The following CACNA2D3 variants were observed in gnomAD, a reference collection of about 807,000 sequenced individuals.
CACNA2D3 encodes calcium voltage-gated channel auxiliary subunit alpha2delta 3.
CACNA2D3 carries 60 observed loss-of-function variants against 160.6 expected under a neutral mutation model. The ratio of observed to expected loss-of-function variants is 0.37; its 90% CI spans 0.30 to 0.46. CACNA2D3 has a LOEUF of 0.46. Ranked by LOEUF, CACNA2D3 falls within the 20% of genes least tolerant of loss-of-function variation. The pLI, the probability that CACNA2D3 is intolerant of heterozygous loss-of-function variation, is 1.00. For missense variants in CACNA2D3, 1,205 were observed against 1,365.0 expected (o/e 0.88, Z 1.85); for synonymous variants, 558 against 492.9 (o/e 1.13, Z -1.75).
chr3:54,573,275 A>G (rs1009402244), intron 8 of CACNA2D3, among the ~76,000 whole-genome samples: 2 of 152,234 alleles, frequency 1.3e-5, no homozygotes, highest in Non-Finnish European at 2.9e-5. Context: ...AATGGATCAG[A>G]TATGTTAGTG....
intron 11 of CACNA2D3, among the ~76,000 whole-genome samples, chr3:54,664,187 G>T (rs1700023613): frequency 6.6e-6 from 1 of 152,148 alleles, no homozygotes; most frequent in African/African-American, 2.4e-5. Flanking sequence ...GGCTTTTTAG[G>T]GCCAGTCTGG....
intron 2 of CACNA2D3, among the ~76,000 whole-genome samples, chr3:54,291,587 A>G (rs1035238708): frequency 1.3e-5 from 2 of 152,188 alleles, no homozygotes; most frequent in Non-Finnish European, 2.9e-5. Context: ...ACTAGGAAAA[A>G]GTGTGCCTCT....
chr3:54,389,964 T>G (rs1699252142), intron 4 of CACNA2D3, among the ~76,000 whole-genome samples: 1 of 152,226 alleles, frequency 6.6e-6, no homozygotes, highest in African/African-American at 2.4e-5. Flanking sequence ...TTAAGGAATG[T>G]CCTCATTCTT....
chr3:54,291,427 C>T (rs1363501949), intron 2 of CACNA2D3, among the ~76,000 whole-genome samples: 1 of 152,118 alleles, frequency 6.6e-6, no homozygotes, highest in Non-Finnish European at 1.5e-5. Flanking sequence ...CATCTTTTTA[C>T]CTGTTCCTTT....
intron 13 of CACNA2D3, chr3:54,789,779 G>A: frequency 2.1e-6 from 1 of 485,470 alleles, no homozygotes; most frequent in South Asian, 1.5e-5. Context: ...TTGGATTGAG[G>A]CAGTGTTCAC....
chr3:54,455,136 T>A (rs1700375048), intron 4 of CACNA2D3, among the ~76,000 whole-genome samples: 1 of 152,144 alleles, frequency 6.6e-6, no homozygotes. Flanking sequence ...GATCATATGA[T>A]AGCTCTATTT....
At chr3:54,977,628 C>G (rs1261117001) in intron 29 of CACNA2D3, among the ~76,000 whole-genome samples, 1 of 152,104 alleles carries the variant, frequency 6.6e-6, no homozygotes, top group East Asian at 1.9e-4. Flanking sequence ...TGAATATTGA[C>G]AGTATCTGAA....
chr3:55,004,641 G>T (rs982446417), intron 31 of CACNA2D3, 122 bp from the exon 32 acceptor site: 3 of 657,838 alleles, frequency 4.6e-6, no homozygotes, highest in Non-Finnish European at 5.5e-6. Context: ...CCATGTTAGG[G>T]CTGCATGGTG....
chr3:54,892,285 C>A (rs1385875120), intron 25 of CACNA2D3, among the ~76,000 whole-genome samples: 3 of 151,914 alleles, frequency 2.0e-5, no homozygotes, highest in Non-Finnish European at 4.4e-5. Flanking sequence ...AACATTATAC[C>A]CCCAACCTTC....
At chr3:54,169,098 TGTGA>T (rs1700509411) in intron 2 of CACNA2D3, among the ~76,000 whole-genome samples, 1 of 152,236 alleles carries the variant, frequency 6.6e-6, no homozygotes, top group African/African-American at 2.4e-5. Flanking sequence ...GCTTGTGAGC[TGTGA>T]GTTAGTTGTG....
At chr3:54,390,686 C>T (rs374625640) in intron 4 of CACNA2D3, among the ~76,000 whole-genome samples, 1 of 152,132 alleles carries the variant, frequency 6.6e-6, no homozygotes, top group East Asian at 1.9e-4. Flanking sequence ...TTTGTCTTGG[C>T]TTAGATGAAG....
intron 23 of CACNA2D3, 23 bp downstream of exon 23, chr3:54,885,609 G>T: frequency 6.3e-7 from 1 of 1,579,154 alleles, no homozygotes; most frequent in Non-Finnish European, 8.7e-7. Flanking sequence ...TCAAAAGTGT[G>T]CTGTGCCTTC....
intron 8 of CACNA2D3, among the ~76,000 whole-genome samples, chr3:54,571,693 AC>A (rs2106722466): frequency 6.6e-6 from 1 of 151,400 alleles, no homozygotes; most frequent in East Asian, 1.9e-4. Flanking sequence ...AAAATAACAC[AC>A]ATCACATCTA....
chr3:54,156,263 G>C (rs1289874832), intron 2 of CACNA2D3, among the ~76,000 whole-genome samples: 1 of 152,206 alleles, frequency 6.6e-6, no homozygotes, highest in Non-Finnish European at 1.5e-5. Flanking sequence ...TATCAAGCCA[G>C]TTATTGTTGT....
intron 2 of CACNA2D3, among the ~76,000 whole-genome samples, chr3:54,302,501 T>C (rs914317312): frequency 1.3e-5 from 2 of 152,200 alleles, no homozygotes; most frequent in African/African-American, 4.8e-5. Context: ...GAGCGCTTGG[T>C]GGATCCTCTT....
chr3:54,674,160 T>C (rs528536048), intron 11 of CACNA2D3, among the ~76,000 whole-genome samples: 2 of 152,338 alleles, frequency 1.3e-5, no homozygotes, highest in Admixed American at 6.5e-5. Context: ...AGAATAACTT[T>C]GGGTAATTGT....
At chr3:54,827,515 A>G (rs1226273995) in intron 14 of CACNA2D3, among the ~76,000 whole-genome samples, 1 of 152,214 alleles carries the variant, frequency 6.6e-6, no homozygotes. Flanking sequence ...TGCTAAGCAC[A>G]TTGCAGTGTT....
chr3:54,471,825 C>T (rs1700737225), intron 4 of CACNA2D3, among the ~76,000 whole-genome samples: 1 of 152,134 alleles, frequency 6.6e-6, no homozygotes, highest in African/African-American at 2.4e-5. Flanking sequence ...CTCCTGGACA[C>T]ATACACCCTC....
intron 35 of CACNA2D3, among the ~76,000 whole-genome samples, chr3:55,035,647 T>C (rs1174205426): frequency 6.6e-6 from 1 of 152,216 alleles, no homozygotes; most frequent in Non-Finnish European, 1.5e-5. Flanking sequence ...ATGTCATTTC[T>C]CCGTTATAAA....
Sources: allele counts gnomAD v4.1 joint callset (sites outside exome capture counted in the v4.1 genomes callset), GRCh38; gene constraint gnomAD v4.1.1; transcripts MANE v1.5; gene names NCBI Gene and HGNC (gene_info 2026-07-23, HGNC 2026-07-21).